Variants in SIGLEC1 observed in about 807,000 individuals in gnomAD.
SIGLEC1 encodes sialic acid binding Ig like lectin 1.
SIGLEC1 carries 132 observed loss-of-function variants against 148.0 expected under a neutral mutation model. The observed-to-expected ratio is 0.89, with a 90% CI of 0.77 to 1.03. The LOEUF (loss-of-function observed/expected upper bound fraction) is 1.03. Among genes scored for constraint, SIGLEC1 ranks in the 50% least tolerant of loss-of-function variants. SIGLEC1 has a pLI of 0.00. For synonymous variants in SIGLEC1, 945 were observed against 969.0 expected (o/e 0.98, Z 0.46); for missense variants, 2,253 against 2,271.4 (o/e 0.99, Z 0.16).
At chr20:3,694,640 C>G (rs1382572273) in intron 12 of SIGLEC1, 23 bp downstream of exon 12, 2 of 1,599,066 alleles carry the variant, frequency 1.3e-6, no homozygotes, top group Non-Finnish European at 1.7e-6. Context: ...TCCCCCACAC[C>G]TGGATGGGAC....
chr20:3,709,384 G>T (rs78547119), intron 1 of SIGLEC1, among the ~76,000 whole-genome samples: 1 of 152,186 alleles, frequency 6.6e-6, no homozygotes, highest in Admixed American at 6.5e-5. Context: ...CTTCACATCC[G>T]TTAGAATGGC....
At chr20:3,711,019 C>T (rs912536099) in intron 1 of SIGLEC1, among the ~76,000 whole-genome samples, 1 of 152,174 alleles carries the variant, frequency 6.6e-6, no homozygotes, top group Non-Finnish European at 1.5e-5. Flanking sequence ...TGCCCCGCCC[C>T]CCGCCCCCCG....
chr20:3,703,755 T>C, intron 5 of SIGLEC1, 70 bp downstream of exon 5: 1 of 1,587,822 alleles, frequency 6.3e-7, no homozygotes. Flanking sequence ...CTGCCCTGTC[T>C]CCCCTCCGTC....
In SIGLEC1 at chr20:3,706,629, A is replaced by G. The variant is rs1394205922; in HGVS notation, c.127T>C (p.Phe43Leu). 1 of 1,593,922 alleles carries G rather than the reference A, an allele frequency of 6.3e-7. No homozygotes were observed. Among genetic ancestry groups the G allele is most frequent in the Non-Finnish European group, 8.5e-7 (1 of 1,170,710 alleles). Residue 43 changes from phenylalanine to leucine, a missense_variant, in exon 3 of 22, where the codon TTC (phenylalanine) becomes CTC (leucine). By Grantham distance (22) the Phe-to-Leu change is conservative. Coordinates refer to ENST00000344754, the MANE Select transcript of SIGLEC1 (RefSeq NM_023068.4). ...KGSCLLIPCIFSFPADVEVPD... is the reference protein window; with the variant it reads ...KGSCLLIPCILSFPADVEVPD... ...ACCTCCACGTCGGCAGGGAAGCTGA[A>G]GATGCAGGGGATAAGCAGGCAAGAC...
intron 4 of SIGLEC1, among the ~76,000 whole-genome samples, chr20:3,705,200 T>C (rs2087883423): frequency 6.6e-6 from 1 of 152,184 alleles, no homozygotes; most frequent in African/African-American, 2.4e-5. Flanking sequence ...TTTCACCATG[T>C]TGGCCAAGCT....
Position 3,698,128 on chromosome 20 carries a change from G to A in SIGLEC1, c.1792C>T (p.Pro598Ser). The change falls in exon 9 of 22, where the codon CCT (proline) becomes TCT (serine). Residue 598 changes from proline (P) to serine (S), a missense_variant. Pro to Ser is a moderately conservative substitution (Grantham distance 74). Transcript: ENST00000344754. ...CTGGTGGTGAATGTTGGTTGTCGAGGGGGGTCTGCAGGGAGGAAGAACATG... is the reference window on the plus strand; with the variant it reads ...CTGGTGGTGAATGTTGGTTGTCGAGAGGGGTCTGCAGGGAGGAAGAACATG... ...SPAVLTVLYP[P>S]RQPTFTTRLD... 1.3e-6 allele frequency: 2 copies of A among 1,593,168 alleles called. No individual in the cohort carries two copies. Among genetic ancestry groups the A allele is most frequent in the East Asian group, 4.5e-5 (2 of 44,244 alleles).
intron 7 of SIGLEC1, 70 bp from the exon 8 acceptor site, chr20:3,699,529 C>T: frequency 1.3e-6 from 2 of 1,536,590 alleles, no homozygotes; most frequent in Admixed American, 4.2e-5. Context: ...TATAGAAAGC[C>T]TTCCAGGGTT....
intron 4 of SIGLEC1, among the ~76,000 whole-genome samples, chr20:3,704,733 C>CTG (rs2087879924): frequency 6.6e-6 from 1 of 152,156 alleles, no homozygotes; most frequent in Non-Finnish European, 1.5e-5. Context: ...CCTCCTGCCT[C>CTG]AGCCTCCCGA....
At chr20:3,709,207 A>G (rs1397683304) in intron 1 of SIGLEC1, among the ~76,000 whole-genome samples, 1 of 152,200 alleles carries the variant, frequency 6.6e-6, no homozygotes, top group African/African-American at 2.4e-5. Flanking sequence ...ATGAACAACA[A>G]CAACCACCAA....
chr20:3,696,890 T>C lies in SIGLEC1; in HGVS notation c.2381-2A>G, dbSNP rs772257797. On this transcript the variant is annotated splice_acceptor_variant, in intron 10 of 21. Transcript: ENST00000344754. LOFTEE classifies it high-confidence loss of function. ...ACAGCTTTGGACGGTCCGGGGGATC[T>C]GCAGGAACAGAGGGAGCTGAGGCCA... 9 of 1,546,562 alleles carry C rather than the reference T, an allele frequency of 5.8e-6. No individual in the cohort carries two copies. The South Asian group carries it at 1.1e-4, about 19-fold the overall frequency.
intron 1 of SIGLEC1, among the ~76,000 whole-genome samples, chr20:3,708,706 G>T (rs576902102): frequency 5.9e-5 from 9 of 152,190 alleles, no homozygotes; most frequent in African/African-American, 1.2e-4. Flanking sequence ...AGCCATGATT[G>T]CACCACTGCA....
intron 9 of SIGLEC1, 152 bp from the exon 10 acceptor site, chr20:3,697,494 G>A: frequency 4.1e-6 from 4 of 970,298 alleles, no homozygotes; most frequent in Non-Finnish European, 6.1e-6. Flanking sequence ...CAGCCTAGGA[G>A]AAGTGGGCCC....
chr20:3,693,554 A>G lies in SIGLEC1; in HGVS notation c.3401T>C (p.Ile1134Thr). Residue 1134 changes from isoleucine to threonine, a missense_variant, in exon 14 of 22, where the codon ATC becomes ACC. Coordinates refer to ENST00000344754, the MANE Select transcript of SIGLEC1 (RefSeq NM_023068.4). ...CCTGACTGTGACGTTGGGCAGGGGG[A>G]TGGAGTGGGCATCCAGGCGCTGCTG... ...DGQQRLDAHS[I>T]PLPNVTVRDA... 1 of 1,611,922 alleles carries G rather than the reference A, an allele frequency of 6.2e-7. No individual in the cohort carries two copies. The highest frequency in any genetic ancestry group is 1.1e-5 in the South Asian group (1 of 90,764).
intron 19 of SIGLEC1, 60 bp downstream of exon 19, chr20:3,689,902 G>C (rs774217437): frequency 7.0e-7 from 1 of 1,430,006 alleles, no homozygotes; most frequent in Non-Finnish European, 9.7e-7. Flanking sequence ...GGAAGCCTTT[G>C]GGCCTAAGAG....
chr20:3,706,438 C>T lies in SIGLEC1; in HGVS notation c.318G>A (p.Gln106=). Residue 106 remains glutamine, a synonymous_variant, in exon 3 of 22, where the codon CAG becomes CAA. Coordinates refer to ENST00000344754, the MANE Select transcript of SIGLEC1 (RefSeq NM_023068.4). ...RVCNLLLKDL[Q]PEDSGSYNFR... ...AGTTGTAGGAACCAGAGTCCTCGGG[C>T]TGCAGGTCCTTCAGCAGCAGGTTGC... The T allele has an allele frequency of 6.2e-7, 1 of 1,614,172 alleles. No individual in the cohort carries two copies. Among genetic ancestry groups the T allele is most frequent in the Non-Finnish European group, 8.5e-7 (1 of 1,180,030 alleles).
At chr20:3,693,425 C>T (rs1396501044) in intron 14 of SIGLEC1, 22 bp downstream of exon 14, 3 of 1,547,434 alleles carry the variant, frequency 1.9e-6, no homozygotes, top group African/African-American at 2.7e-5. Context: ...GTGAGTCCCA[C>T]CCTGCATCCA....
intron 14 of SIGLEC1, 142 bp from the exon 15 acceptor site, chr20:3,693,273 G>T: frequency 8.4e-7 from 1 of 1,193,686 alleles, no homozygotes; most frequent in Non-Finnish European, 1.1e-6. Context: ...CTGCTCCTCT[G>T]CCCAGACAGG....
Position 3,697,860 on chromosome 20 carries a change from T to C in SIGLEC1, c.2060A>G (p.Tyr687Cys), listed in dbSNP as rs1483268772. The C allele has an allele frequency of 6.2e-7, 1 of 1,613,030 alleles. No homozygotes were observed. ...CAGGGCATTGCTGGCCTCACAGAGG[T>C]ACAAGCCCTCCTCTTCCAGCAAAGG... ...HNPLLEEEGL[Y>C]LCEASNALGN... Residue 687 changes from tyrosine (Y) to cysteine (C), a missense_variant, in exon 9 of 22, where the codon TAC (tyrosine) becomes TGC (cysteine). Physicochemically the swap from Tyr to Cys is radical, Grantham distance 194. Transcript: ENST00000344754.
rs140668304 is a variant in SIGLEC1, at chr20:3,693,436, G to A, written c.3508+11C>T. 8.0e-3 allele frequency: 12,468 copies of A among 1,556,080 alleles called. 66 individuals carry two copies. Among genetic ancestry groups the A allele is most frequent in the Non-Finnish European group, 9.7e-3 (11,078 of 1,147,432 alleles). Reference sequence around the variant, plus strand: ...TCCTGTGAGTCCCACCCTGCATCCAGCCAGACTCACAGAGGACGTCCAAGG... The same window carrying A: ...TCCTGTGAGTCCCACCCTGCATCCAACCAGACTCACAGAGGACGTCCAAGG... On this transcript the variant is annotated intron_variant, in intron 14 of 21. Coordinates refer to ENST00000344754, the MANE Select transcript of SIGLEC1 (RefSeq NM_023068.4).
Sources: allele counts gnomAD v4.1 joint callset (sites outside exome capture counted in the v4.1 genomes callset), GRCh38; gene constraint gnomAD v4.1.1; transcripts MANE v1.5; gene names NCBI Gene and HGNC (gene_info 2026-07-23, HGNC 2026-07-21).